The following DNAH5 variants were observed in gnomAD, a reference collection of about 807,000 sequenced individuals.
DNAH5 encodes the protein dynein axonemal heavy chain 5, also known as axonemal beta dynein heavy chain 5.
DNAH5 carries 372 observed loss-of-function variants against 518.2 expected under a neutral mutation model. That is an observed-to-expected ratio of 0.72 (90% CI 0.66 to 0.78). The LOEUF is 0.78. Among genes scored for constraint, DNAH5 ranks in the 30% least tolerant of loss-of-function variants. The pLI is 0.00. For synonymous variants in DNAH5, 2,039 were observed against 2,025.9 expected (o/e 1.01, Z -0.17); for missense variants, 5,523 against 5,687.0 (o/e 0.97, Z 0.93).
At chr5:13,771,004 G>C (rs762340746) in intron 55 of DNAH5, 24 bp from the exon 56 acceptor site, 1 of 1,545,998 alleles carries the variant, frequency 6.5e-7, no homozygotes. Flanking sequence ...AGATGACAGT[G>C]TGTGAAATAT....
Position 13,691,198 on chromosome 5 carries a change from T to C in DNAH5, c.*786A>G, listed in dbSNP as rs1014693228. 3 of 152,198 alleles carry C rather than the reference T, an allele frequency of 2.0e-5. No individual in the cohort carries two copies. Among genetic ancestry groups the C allele is most frequent in the Admixed American group, 6.5e-5 (1 of 15,282 alleles). 9.4% of individuals were successfully genotyped at this position (152,198 alleles called of 1,614,324 possible). On this transcript the variant is annotated 3_prime_UTR_variant, in exon 79 of 79. Coordinates refer to ENST00000265104, the MANE Select transcript of DNAH5 (RefSeq NM_001369.3). ...TCAGTCTTTTAAATTGTTTCCTTGA[T>C]GTAGAGAAAACAAAGATCCAAGGGT...
intron 47 of DNAH5, among the ~76,000 whole-genome samples, chr5:13,807,127 T>C (rs1253183730): frequency 6.6e-6 from 1 of 152,022 alleles, no homozygotes; most frequent in East Asian, 1.9e-4. Context: ...GATAAAGAAA[T>C]AGATGTGAAA....
intron 60 of DNAH5, among the ~76,000 whole-genome samples, chr5:13,761,826 G>A (rs1751826862): frequency 6.6e-6 from 1 of 152,148 alleles, no homozygotes; most frequent in Non-Finnish European, 1.5e-5. Flanking sequence ...AGGTTGTCCT[G>A]GGACCTCAAG....
intron 22 of DNAH5, among the ~76,000 whole-genome samples, chr5:13,875,600 G>C (rs1002979168): frequency 2.0e-5 from 3 of 151,522 alleles, no homozygotes; most frequent in Non-Finnish European, 4.4e-5. Context: ...TCTTATTGCT[G>C]ATTTATTTTC....
At chr5:13,721,801 G>T (rs1745092224) in intron 70 of DNAH5, among the ~76,000 whole-genome samples, 1 of 151,880 alleles carries the variant, frequency 6.6e-6, no homozygotes, top group African/African-American at 2.4e-5. Context: ...TGTTAATTTT[G>T]TTTTGAATGA....
At chr5:13,833,974 C>A (rs1230352173) in intron 35 of DNAH5, among the ~76,000 whole-genome samples, 2 of 152,222 alleles carry the variant, frequency 1.3e-5, no homozygotes, top group Admixed American at 6.5e-5. Context: ...CAGTGAAGGG[C>A]TGACAACATG....
intron 1 of DNAH5, among the ~76,000 whole-genome samples, chr5:13,960,111 CA>C (rs78100175): frequency 2.3e-3 from 324 of 139,568 alleles, no homozygotes; most frequent in East Asian, 1.8e-3. Flanking sequence ...CTTTTATCTT[CA>C]AAAAAAAAAA....
chr5:14,002,188 T>C (rs1341036625), intron 1 of DNAH5, among the ~76,000 whole-genome samples: 2 of 152,146 alleles, frequency 1.3e-5, no homozygotes, highest in African/African-American at 4.8e-5. Context: ...TGAGCCACCA[T>C]GCCAGGCCAT....
At chr5:13,859,662 A>C in intron 29 of DNAH5, 57 bp from the exon 30 acceptor site, 2 of 1,547,078 alleles carry the variant, frequency 1.3e-6, no homozygotes, top group East Asian at 2.2e-5. Flanking sequence ...TGTTGTTTCA[A>C]ATTAAAAAGG....
chr5:13,996,337 C>G (rs543222573), intron 1 of DNAH5, among the ~76,000 whole-genome samples: 2 of 152,290 alleles, frequency 1.3e-5, no homozygotes, highest in East Asian at 3.9e-4. Flanking sequence ...TCATGTCTTT[C>G]TCACATACAG....
chr5:13,881,441 G>T (rs1271773494), intron 21 of DNAH5, among the ~76,000 whole-genome samples: 8 of 151,862 alleles, frequency 5.3e-5, no homozygotes, highest in Non-Finnish European at 8.8e-5. Context: ...CAACAAATTT[G>T]ATCTTATAAC....
At chr5:13,695,840 CCA>C (rs1161280993) in intron 78 of DNAH5, among the ~76,000 whole-genome samples, 1 of 151,874 alleles carries the variant, frequency 6.6e-6, no homozygotes, top group Non-Finnish European at 1.5e-5. Flanking sequence ...ACATACATAC[CCA>C]CACATGCACA....
chr5:13,931,360 A>G (rs919922828), intron 1 of DNAH5, 116 bp from the exon 2 acceptor site: 3 of 1,182,014 alleles, frequency 2.5e-6, no homozygotes, highest in Non-Finnish European at 3.7e-6. Context: ...GATAATAGAC[A>G]GCTTAATGGT....
chr5:13,887,422 C>G (rs1772587303), intron 17 of DNAH5, among the ~76,000 whole-genome samples: 1 of 152,150 alleles, frequency 6.6e-6, no homozygotes, highest in African/African-American at 2.4e-5. Context: ...AATAAATAGA[C>G]TCATTAAAAT....
intron 47 of DNAH5, among the ~76,000 whole-genome samples, chr5:13,798,396 GCTTTGAAGTTCTCAAA>G (rs1758162401): frequency 6.6e-6 from 1 of 152,038 alleles, no homozygotes; most frequent in African/African-American, 2.4e-5. Flanking sequence ...AACAGAAAGG[GCTTTGAAGTTCTCAAA>G]CTCCAGAAGC....
intron 30 of DNAH5, among the ~76,000 whole-genome samples, chr5:13,853,732 G>C (rs1230831773): frequency 6.6e-6 from 1 of 151,742 alleles, no homozygotes; most frequent in Non-Finnish European, 1.5e-5. Context: ...GCATACAGAA[G>C]TATCAATACC....
At chr5:13,708,096 G>A in intron 76 of DNAH5, 27 bp downstream of exon 76, 1 of 1,607,114 alleles carries the variant, frequency 6.2e-7, no homozygotes, top group African/African-American at 1.3e-5. Context: ...AAGTGAACAG[G>A]CAGAATAACA....
chr5:13,778,334 T>G (rs981973374), intron 53 of DNAH5, among the ~76,000 whole-genome samples: 1 of 148,338 alleles, frequency 6.7e-6, no homozygotes, highest in Non-Finnish European at 1.5e-5. Flanking sequence ...AAACAAATAC[T>G]TCTAGAAGAC....
intron 75 of DNAH5, 95 bp downstream of exon 75, chr5:13,714,310 G>A: frequency 7.6e-7 from 1 of 1,322,890 alleles, no homozygotes; most frequent in Non-Finnish European, 1.1e-6. Context: ...TTAATTTCAG[G>A]AAAATCATTT....
Sources: allele counts gnomAD v4.1 joint callset (sites outside exome capture counted in the v4.1 genomes callset), GRCh38; gene constraint gnomAD v4.1.1; transcripts MANE v1.5; gene names NCBI Gene and HGNC (gene_info 2026-07-23, HGNC 2026-07-21).